The following ABCA9 variants were observed in gnomAD, a reference collection of about 807,000 sequenced individuals.
ABCA9 encodes ATP binding cassette subfamily A member 9.
In ABCA9, 183 loss-of-function variants were observed where a neutral mutation model predicts 205.3. The observed-to-expected ratio is 0.89, with a 90% CI of 0.79 to 1.01. The LOEUF (loss-of-function observed/expected upper bound fraction) is 1.01. ABCA9 is among the 50% of genes least tolerant of loss of function. ABCA9 has a pLI of 0.00. For synonymous variants in ABCA9, 651 were observed against 683.3 expected, an observed-to-expected ratio of 0.95 and a Z score of 0.74; for missense variants, 1,805 against 1,912.4, an observed-to-expected ratio of 0.94 and a Z score of 1.05.
At position 69,023,922 on chromosome 17, in the gene ABCA9, C is replaced by G. The variant is rs1377078055; in HGVS notation, c.2281+292G>C. Among the ~76,000 whole-genome samples the G allele has an allele frequency of 6.6e-6, 1 of 152,080 alleles. No homozygotes were observed. Among genetic ancestry groups the G allele is most frequent in the East Asian group, 1.9e-4 (1 of 5,206 alleles). On this transcript the variant is annotated intron_variant, in intron 17 of 38. Transcript: ENST00000340001. This position sits in a 1 kb window ranked among gnomAD's most constrained non-coding sequence, Gnocchi z 4.2. The stretch of plus-strand genomic sequence containing the variant: ...CACACTCTCTCATTCATTACTGAAA[C>G]AAATTTTCCAAATAATTCTTATTTT...
intron 15 of ABCA9, 146 bp from the exon 16 acceptor site, chr17:69,026,613 T>C (rs887319903): frequency 1.4e-6 from 1 of 713,048 alleles, no homozygotes; most frequent in Non-Finnish European, 2.3e-6. Flanking sequence ...AAACCACTTT[T>C]TTTTGTCATC....
chr17:69,032,234 G>A lies in ABCA9; in HGVS notation c.1319C>T (p.Ser440Phe), dbSNP rs765822744. The A allele has an allele frequency of 3.1e-6, 5 of 1,613,804 alleles. No homozygotes were observed. Among genetic ancestry groups the A allele is most frequent in the East Asian group, 2.2e-5 (1 of 44,858 alleles). ...HRCSPLFFLK[S>F]CFWFQHGRAN... The stretch of plus-strand genomic sequence containing the variant: ...CCTTCCGTGTTGAAACCAAAAACAG[G>A]ATTTCAGGAAAAACAAGGGAGAACA... Residue 440 changes from serine to phenylalanine, a missense_variant, in exon 10 of 39, where the codon TCC becomes TTC. Ser to Phe is a radical substitution (Grantham distance 155). Coordinates refer to ENST00000340001, the MANE Select transcript of ABCA9 (RefSeq NM_080283.4).
At chr17:69,021,146 CTT>C (rs1246844461) in intron 18 of ABCA9, among the ~76,000 whole-genome samples, 1 of 151,698 alleles carries the variant, frequency 6.6e-6, no homozygotes, top group African/African-American at 2.4e-5. Context: ...AAGTATATAA[CTT>C]CAAAAATGAA....
intron 22 of ABCA9, 82 bp from the exon 23 acceptor site, chr17:69,012,165 A>C: frequency 1.1e-6 from 1 of 939,292 alleles, no homozygotes; most frequent in Non-Finnish European, 1.6e-6. Context: ...TCACTCAAAT[A>C]AATGAATTGA....
intron 25 of ABCA9, among the ~76,000 whole-genome samples, chr17:69,005,343 G>A (rs953341332): frequency 2.0e-5 from 3 of 152,112 alleles, no homozygotes; most frequent in African/African-American, 7.2e-5. Flanking sequence ...GAATCTCATT[G>A]TCAAGGGGTG....
intron 2 of ABCA9, 50 bp from the exon 3 acceptor site, chr17:69,049,540 C>A: frequency 2.2e-6 from 3 of 1,394,618 alleles, no homozygotes; most frequent in Non-Finnish European, 3.0e-6. Flanking sequence ...TGTTATACCA[C>A]AGATCAATCA....
intron 1 of ABCA9, among the ~76,000 whole-genome samples, chr17:69,055,477 T>C (rs2072040473): frequency 1.3e-5 from 2 of 152,188 alleles, no homozygotes; most frequent in Admixed American, 1.3e-4. Flanking sequence ...CAAGAAGTCA[T>C]AGCAATCTTT....
Position 69,043,655 on chromosome 17 carries a change from T to G in ABCA9, c.634A>C (p.Ile212Leu). The G allele has an allele frequency of 6.2e-7, 1 of 1,613,610 alleles. No homozygotes were observed. Among genetic ancestry groups the G allele is most frequent in the Non-Finnish European group, 8.5e-7 (1 of 1,179,854 alleles). The change falls in exon 6 of 39, where the codon ATA becomes CTA. Residue 212 changes from isoleucine to leucine, a missense_variant. Ile to Leu is a conservative substitution (Grantham distance 5). Coordinates refer to ENST00000340001, the MANE Select transcript of ABCA9 (RefSeq NM_080283.4). The part of the protein sequence containing the change: ...LMSVTGVHMK[I>L]LPFVAQGGVA... ...CCTCCTTGGGCAACAAAAGGTAATA[T>G]CTTCATATGTACACCAGTAACTGAC...
intron 5 of ABCA9, 90 bp downstream of exon 5, chr17:69,044,407 G>T: frequency 9.0e-7 from 1 of 1,111,182 alleles, no homozygotes; most frequent in Non-Finnish European, 1.3e-6. Flanking sequence ...TTAATGAAGT[G>T]AATAAATGAT....
chr17:68,976,337 C>T (rs1254122982), intron 37 of ABCA9, 147 bp from the exon 38 acceptor site: 6 of 669,978 alleles, frequency 9.0e-6, no homozygotes, highest in Non-Finnish European at 1.5e-5. Flanking sequence ...AAAGCAAACG[C>T]GATATAGTCA....
At position 68,992,298 on chromosome 17, in the gene ABCA9, A is replaced by G. The variant is rs1335864328; in HGVS notation, c.3625-32T>C. The G allele has an allele frequency of 9.2e-6, 12 of 1,303,292 alleles. No individual in the cohort carries two copies. In the Middle Eastern group the frequency reaches 5.7e-4, roughly 62 times the overall value. 80.7% of individuals were successfully genotyped at this position (1,303,292 alleles called of 1,614,324 possible). On this transcript the variant is annotated intron_variant, in intron 27 of 38. Transcript: ENST00000340001. Reference sequence around the variant, plus strand: ...AAAAAGAAAGACAATCACAATTAGTATCACTATAAATGCAATGATTTCAAT... The same window carrying G: ...AAAAAGAAAGACAATCACAATTAGTGTCACTATAAATGCAATGATTTCAAT...
chr17:69,004,567 T>C (rs2070039204), intron 25 of ABCA9: 1 of 152,380 alleles, frequency 6.6e-6, no homozygotes, highest in Admixed American at 6.5e-5. Context: ...GTCTTTTTGT[T>C]TGTCTGTGCC....
At chr17:69,049,615 A>T (rs952504508) in intron 2 of ABCA9, 125 bp from the exon 3 acceptor site, 65 of 787,090 alleles carry the variant, frequency 8.3e-5, no homozygotes, top group Non-Finnish European at 1.2e-4. Flanking sequence ...TCTTTCTCCT[A>T]GTTTTTAAAT....
chr17:69,044,370 G>T, intron 5 of ABCA9, 127 bp downstream of exon 5: 1 of 761,836 alleles, frequency 1.3e-6, no homozygotes, highest in Non-Finnish European at 2.1e-6. Flanking sequence ...GTTTTATTAT[G>T]GAAGTTGTTC....
At chr17:69,077,876 A>G in the ABCA9 span, among the ~76,000 whole-genome samples, 2 of 152,124 alleles carry the variant, frequency 1.3e-5, no homozygotes, top group Non-Finnish European at 2.9e-5. Flanking sequence ...TGTTAAACTG[A>G]CAGGTATTTT....
At chr17:68,992,657 T>C in intron 27 of ABCA9, 1 of 214,098 alleles carries the variant, frequency 4.7e-6, no homozygotes, top group Non-Finnish European at 9.3e-6. Flanking sequence ...CTACTAAAAA[T>C]ACAAAATTAG....
At position 68,989,023 on chromosome 17, in the gene ABCA9, T is replaced by C. The variant is rs1400298438; in HGVS notation, c.4047+4A>G. The C allele has an allele frequency of 2.5e-5, 40 of 1,589,782 alleles. No homozygotes were observed. In the Admixed American group the frequency reaches 6.7e-4, roughly 27 times the overall value. ...ATGACCATATTCCTGTACGTTTTAC[T>C]GACCTGTCCTGCAGTTGGTTTTGTG... On this transcript the variant is annotated splice_donor_region_variant and intron_variant, in intron 31 of 38. Coordinates refer to ENST00000340001, the MANE Select transcript of ABCA9 (RefSeq NM_080283.4).
At chr17:68,980,171 GAC>G (rs2069003615) in intron 37 of ABCA9, among the ~76,000 whole-genome samples, 1 of 151,886 alleles carries the variant, frequency 6.6e-6, no homozygotes, top group South Asian at 2.1e-4. Flanking sequence ...GCAGCCAAAA[GAC>G]ACATGAAAAA....
Position 68,993,003 on chromosome 17 carries a change from A to C in ABCA9, c.3624+13T>G, listed in dbSNP as rs748521053. 43 of 1,602,178 alleles carry C rather than the reference A, an allele frequency of 2.7e-5. No individual in the cohort carries two copies. Among genetic ancestry groups the C allele is most frequent in the Non-Finnish European group, 3.3e-5 (39 of 1,172,272 alleles). On this transcript the variant is annotated intron_variant, in intron 27 of 38. Transcript: ENST00000340001. ...CCCTCATGCAAGAATGTTGAAAAAA[A>C]AAGTCTTCTTACTATTAGCAGTGCC...
Sources: gnomAD v4.1 joint callset for allele counts (sites outside exome capture counted in the v4.1 genomes callset) on GRCh38, gnomAD v4.1.1 for gene constraint, Gnocchi (gnomAD v3.1) non-coding constraint, MANE v1.5 for transcripts, NCBI Gene and HGNC (gene_info 2026-07-23, HGNC 2026-07-21) for gene names.